LRGUK: variants seen among roughly 807,000 people sequenced by gnomAD.
LRGUK encodes the protein leucine rich repeats and guanylate kinase domain containing.
In LRGUK, 65 loss-of-function variants were observed where a neutral mutation model predicts 76.0. The observed-to-expected ratio is 0.85, with a 90% confidence interval of 0.70 to 1.05. The LOEUF (loss-of-function observed/expected upper bound fraction) is 1.05. Among genes scored for constraint, LRGUK ranks in the 50% least tolerant of loss-of-function variants. LRGUK has a pLI of 0.00. For synonymous variants in LRGUK, 268 were observed against 265.6 expected (o/e 1.01, Z -0.09); for missense variants, 758 against 732.8 (o/e 1.03, Z -0.40).
At chr7:134,163,519 G>A in exon 7 of LRGUK, 1 of 1,612,720 alleles carries the variant, frequency 6.2e-7, no homozygotes, top group East Asian at 2.2e-5. Context: ...TCCTGGAAGT[G>A]ATCAACCTGG....
chr7:134,176,873 T>G, intron 8 of LRGUK, 104 bp from the exon 9 acceptor site: 2 of 651,230 alleles, frequency 3.1e-6, no homozygotes, highest in Non-Finnish European at 5.6e-6. Flanking sequence ...GTGGGAATGA[T>G]GAGGTAGTAG....
At chr7:134,182,160 C>T (rs555207008) in intron 10 of LRGUK, among the ~76,000 whole-genome samples, 53 of 152,208 alleles carry the variant, frequency 3.5e-4, no homozygotes, top group African/African-American at 1.1e-3. Context: ...GAAATGCATT[C>T]GAGTTGTTGC....
At chr7:134,264,253 T>C in exon 20 of LRGUK, 1 of 282,918 alleles carries the variant, frequency 3.5e-6, no homozygotes, top group Non-Finnish European at 6.4e-6. Flanking sequence ...ATTTCATTTT[T>C]TTTTCTATAG....
At chr7:134,267,694 A>G (rs1388025122), downstream of LRGUK, among the ~76,000 whole-genome samples, 1 of 152,118 alleles carries the variant, frequency 6.6e-6, no homozygotes, top group African/African-American at 2.4e-5. Flanking sequence ...CTCCCCAGCC[A>G]TGTGGAGTTG....
exon 10 of LRGUK, chr7:134,178,538 A>T: frequency 6.2e-7 from 1 of 1,613,220 alleles, no homozygotes; most frequent in African/African-American, 1.3e-5. Flanking sequence ...CTCCCCCTGA[A>T]GTGGTTGCAG....
At chr7:134,228,321 C>T (rs1454415103) in intron 16 of LRGUK, among the ~76,000 whole-genome samples, 3 of 151,910 alleles carry the variant, frequency 2.0e-5, no homozygotes, top group African/African-American at 4.8e-5. Flanking sequence ...TCACAGGAAG[C>T]CTACATGAAA....
rs753996787 is a variant in LRGUK, at chr7:134,158,162, G to T, written c.795+3G>T. On this transcript the variant is annotated splice_donor_region_variant and intron_variant, in intron 6 of 15. Transcript: ENST00000645682. The stretch of plus-strand genomic sequence containing the variant: ...TACCAATCAAAATACTTTGTCTGGT[G>T]AGTCTAACAAAATGCTGTTCTTTAT... The T allele has an allele frequency of 2.5e-6, 4 of 1,611,114 alleles. No homozygotes were observed. Among genetic ancestry groups the T allele is most frequent in the African/African-American group, 1.3e-5 (1 of 75,012 alleles).
At chr7:134,209,439 T>A (rs939251989) in exon 16 of LRGUK, 39 of 398,756 alleles carry the variant, frequency 9.8e-5, no homozygotes, top group Non-Finnish European at 1.6e-4. Flanking sequence ...CGAGTCAGTA[T>A]CCCTCACCCA....
intron 16 of LRGUK, among the ~76,000 whole-genome samples, chr7:134,229,323 A>T (rs761436728): frequency 1.1e-4 from 16 of 152,036 alleles, no homozygotes; most frequent in Admixed American, 3.3e-4. Flanking sequence ...AGATCGCGCC[A>T]CTGCGCTCCA....
intron 16 of LRGUK, among the ~76,000 whole-genome samples, chr7:134,229,062 A>AT (rs1801827765): frequency 6.6e-6 from 1 of 152,218 alleles, no homozygotes; most frequent in Admixed American, 6.5e-5. Context: ...AACAATTTTA[A>AT]ATATATTTAG....
chr7:134,269,818 A>G, the LRGUK span, among the ~76,000 whole-genome samples: 5 of 152,222 alleles, frequency 3.3e-5, no homozygotes, highest in Admixed American at 2.0e-4. Context: ...GAAACCAACC[A>G]ATGAAATCTA....
chr7:134,181,951 T>A (rs1441789556), intron 10 of LRGUK, among the ~76,000 whole-genome samples: 1 of 152,158 alleles, frequency 6.6e-6, no homozygotes, highest in Non-Finnish European at 1.5e-5. Context: ...TATAGAGCAG[T>A]TTTATCACAA....
intron 16 of LRGUK, among the ~76,000 whole-genome samples, chr7:134,241,122 T>G (rs867826927): frequency 1.3e-5 from 2 of 152,146 alleles, no homozygotes; most frequent in East Asian, 1.9e-4. Flanking sequence ...AGACCATCGA[T>G]GCTAGGAAGA....
the LRGUK span, among the ~76,000 whole-genome samples, chr7:134,276,137 A>G: frequency 2.6e-5 from 4 of 152,226 alleles, no homozygotes; most frequent in Non-Finnish European, 5.9e-5. Flanking sequence ...GTATGAAGGT[A>G]TGGACCACAC....
At chr7:134,253,698 C>T (rs1802501801) in intron 18 of LRGUK, among the ~76,000 whole-genome samples, 1 of 152,058 alleles carries the variant, frequency 6.6e-6, no homozygotes, top group African/African-American at 2.4e-5. Context: ...ACCTGTAGTC[C>T]CAGTTACTGA....
downstream of LRGUK, among the ~76,000 whole-genome samples, chr7:134,269,101 G>C (rs1467608338): frequency 1.3e-5 from 2 of 151,980 alleles, no homozygotes; most frequent in Non-Finnish European, 2.9e-5. Flanking sequence ...AATTCTACCA[G>C]TTGTACAAAG....
At chr7:134,240,570 C>T (rs1427672200) in intron 16 of LRGUK, among the ~76,000 whole-genome samples, 1 of 152,162 alleles carries the variant, frequency 6.6e-6, no homozygotes, top group Non-Finnish European at 1.5e-5. Flanking sequence ...ACCAAATCTA[C>T]GTCTGACTGG....
Position 134,183,961 on chromosome 7 carries a change from T to G in LRGUK, c.1334+108T>G, listed in dbSNP as rs1585512239. The G allele has an allele frequency of 1.1e-5, 15 of 1,408,686 alleles. No individual in the cohort carries two copies. The South Asian group carries it at 2.0e-4, about 19-fold the overall frequency. 87.3% of individuals were successfully genotyped at this position (1,408,686 alleles called of 1,614,324 possible). On this transcript the variant is annotated intron_variant, in intron 11 of 15. Coordinates refer to ENST00000645682, the Ensembl canonical transcript of LRGUK. ...TATTGCTAATGTTGGCTATTAATTT[T>G]AAGCAATTTCAGAAATGTACAAAAC...
intron 15 of LRGUK, among the ~76,000 whole-genome samples, chr7:134,202,392 G>A (rs1000274106): frequency 6.6e-6 from 1 of 152,050 alleles, no homozygotes; most frequent in African/African-American, 2.4e-5. Context: ...CTATTGGCAG[G>A]AGTGTAAAAT....
Sources: gnomAD v4.1 joint callset for allele counts (sites outside exome capture counted in the v4.1 genomes callset) on GRCh38, gnomAD v4.1.1 for gene constraint, MANE v1.5 for transcripts, NCBI Gene and HGNC (gene_info 2026-07-23, HGNC 2026-07-21) for gene names.